SAMD12: variants seen among roughly 807,000 people sequenced by gnomAD.
SAMD12 encodes sterile alpha motif domain containing 12.
SAMD12 carries 9 observed loss-of-function variants against 15.0 expected under a neutral mutation model. The ratio of observed to expected loss-of-function variants is 0.60; its 90% CI spans 0.36 to 1.05. SAMD12 has a LOEUF of 1.05. Ranked by LOEUF, SAMD12 falls within the 50% of genes least tolerant of loss-of-function variation. SAMD12 has a pLI of 0.01. For missense variants in SAMD12, 230 were observed against 234.2 expected, an observed-to-expected ratio of 0.98 and a Z score of 0.12; for synonymous variants, 86 against 90.1, an observed-to-expected ratio of 0.96 and a Z score of 0.25.
intron 2 of SAMD12, among the ~76,000 whole-genome samples, chr8:118,562,901 G>A (rs938605877): frequency 2.0e-5 from 3 of 152,064 alleles, no homozygotes; most frequent in African/African-American, 7.2e-5. Flanking sequence ...CTGGAGATAA[G>A]GAGCTGTCAT....
At chr8:118,443,709 G>A (rs568274276) in intron 2 of SAMD12, among the ~76,000 whole-genome samples, 1 of 152,286 alleles carries the variant, frequency 6.6e-6, no homozygotes, top group East Asian at 1.9e-4. Flanking sequence ...CCAGTCTGCT[G>A]CTTCTTTTGG....
intron 2 of SAMD12, among the ~76,000 whole-genome samples, chr8:118,579,514 A>G (rs1017513647): frequency 6.6e-6 from 1 of 152,150 alleles, no homozygotes; most frequent in Non-Finnish European, 1.5e-5. Context: ...CCACACACAC[A>G]TACTTAATGT....
At chr8:118,325,317 A>G (rs1816514430) in intron 4 of SAMD12, among the ~76,000 whole-genome samples, 1 of 152,212 alleles carries the variant, frequency 6.6e-6, no homozygotes, top group Non-Finnish European at 1.5e-5. Flanking sequence ...GCCATTTCTA[A>G]CTCCTAATCC....
intron 2 of SAMD12, among the ~76,000 whole-genome samples, chr8:118,537,427 C>A (rs1357158252): frequency 2.6e-5 from 4 of 152,134 alleles, no homozygotes; most frequent in Admixed American, 2.6e-4. Flanking sequence ...CCCTTTGAGG[C>A]ATTTTCTAGA....
At chr8:118,498,338 G>C (rs1158228439) in intron 2 of SAMD12, among the ~76,000 whole-genome samples, 2 of 152,150 alleles carry the variant, frequency 1.3e-5, no homozygotes, top group Non-Finnish European at 2.9e-5. Flanking sequence ...ATGAGATTGT[G>C]TTTGCAATGA....
chr8:118,365,030 T>G (rs1342571930), intron 4 of SAMD12, among the ~76,000 whole-genome samples: 2 of 152,182 alleles, frequency 1.3e-5, no homozygotes, highest in Non-Finnish European at 2.9e-5. Context: ...AGTCTATGAT[T>G]CACAACCCTT....
intron 4 of SAMD12, among the ~76,000 whole-genome samples, chr8:118,322,325 C>T (rs1258275136): frequency 6.6e-6 from 1 of 152,174 alleles, no homozygotes; most frequent in Admixed American, 6.5e-5. Flanking sequence ...TGTCTGGGTC[C>T]CCTCTGTTGC....
chr8:118,411,637 G>A (rs1821410662), intron 3 of SAMD12, among the ~76,000 whole-genome samples: 1 of 152,068 alleles, frequency 6.6e-6, no homozygotes, highest in African/African-American at 2.4e-5. Context: ...TTTTATGCAT[G>A]TTTCTTTGTC....
chr8:118,415,581 A>G (rs187057481), intron 3 of SAMD12, among the ~76,000 whole-genome samples: 1 of 152,232 alleles, frequency 6.6e-6, no homozygotes, highest in East Asian at 1.9e-4. Context: ...TAATTGAAAA[A>G]GATTTATTTG....
chr8:118,280,879 T>C (rs1487705485), intron 4 of SAMD12, among the ~76,000 whole-genome samples: 1 of 152,164 alleles, frequency 6.6e-6, no homozygotes, highest in African/African-American at 2.4e-5. Context: ...GGCAGGTATC[T>C]CCATGCTTTC....
intron 3 of SAMD12, among the ~76,000 whole-genome samples, chr8:118,408,782 C>G (rs1821255771): frequency 1.3e-5 from 2 of 152,118 alleles, no homozygotes; most frequent in African/African-American, 2.4e-5. Flanking sequence ...TAAATTTAAT[C>G]CCAGGGTAGT....
At chr8:118,270,117 G>C (rs1006001171) in intron 4 of SAMD12, among the ~76,000 whole-genome samples, 1 of 152,184 alleles carries the variant, frequency 6.6e-6, no homozygotes, top group African/African-American at 2.4e-5. Flanking sequence ...TGGCTGAGCT[G>C]CTTCACAATT....
At chr8:118,531,963 T>G (rs557897674) in intron 2 of SAMD12, among the ~76,000 whole-genome samples, 86 of 152,330 alleles carry the variant, frequency 5.6e-4, no homozygotes, top group African/African-American at 2.0e-3. Flanking sequence ...TCCAACACTA[T>G]GTTGAATAGG....
intron 4 of SAMD12, among the ~76,000 whole-genome samples, chr8:118,359,704 A>G (rs1818397877): frequency 6.6e-6 from 1 of 152,200 alleles, no homozygotes; most frequent in African/African-American, 2.4e-5. Context: ...TGCAGAAGAA[A>G]AGGGATAATA....
chr8:118,593,199 T>C (rs1827631000), intron 1 of SAMD12, among the ~76,000 whole-genome samples: 1 of 152,186 alleles, frequency 6.6e-6, no homozygotes, highest in African/African-American at 2.4e-5. Context: ...ATGAGAGATA[T>C]AATGATGAAG....
intron 4 of SAMD12, among the ~76,000 whole-genome samples, chr8:118,221,405 T>G (rs1322607855): frequency 6.6e-6 from 1 of 152,166 alleles, no homozygotes; most frequent in Non-Finnish European, 1.5e-5. Flanking sequence ...AGTAGGCTAT[T>G]TCCTTGTATT....
downstream of SAMD12, among the ~76,000 whole-genome samples, chr8:118,184,791 C>G (rs1049075492): frequency 6.6e-6 from 1 of 152,172 alleles, no homozygotes; most frequent in Admixed American, 6.5e-5. Flanking sequence ...GCCTGCTAAG[C>G]CTGGCTCCCT....
Position 118,449,295 on chromosome 8 carries a change from T to G in SAMD12, c.193-9334A>C, listed in dbSNP as rs373741335. Among the ~76,000 whole-genome samples, 731 of 151,974 alleles carry G rather than the reference T, an allele frequency of 4.8e-3. 2 individuals carry two copies. Among genetic ancestry groups the G allele is most frequent in the Middle Eastern group, 6.8e-3 (2 of 292 alleles). ...CTAGGCTGGTCTCGAACTCGTGACC[T>G]CGTGATCCACCTGCCTTGGCCTCCC... is the stretch of plus-strand genomic sequence containing the variant. On this transcript the variant is annotated intron_variant, in intron 2 of 3. Transcript: ENST00000314727.
intron 4 of SAMD12, among the ~76,000 whole-genome samples, chr8:118,266,006 A>G: frequency 6.6e-6 from 1 of 152,152 alleles, no homozygotes; most frequent in Admixed American, 6.6e-5. Context: ...AAAGAGGTTT[A>G]ATTGACTCAC....
Sources: allele counts gnomAD v4.1 joint callset (sites outside exome capture counted in the v4.1 genomes callset), GRCh38; gene constraint gnomAD v4.1.1; transcripts MANE v1.5; gene names NCBI Gene and HGNC (gene_info 2026-07-23, HGNC 2026-07-21).